CCDC85A: variants seen among roughly 807,000 people sequenced by gnomAD.
CCDC85A encodes coiled-coil domain containing 85A, also known as coiled-coil domain-containing protein 85A.
CCDC85A carries 38 observed loss-of-function variants against 50.2 expected under a neutral mutation model. The observed-to-expected ratio is 0.76, with a 90% CI of 0.58 to 0.99. The LOEUF is 0.99. Ranked by LOEUF, CCDC85A falls within the 50% of genes least tolerant of loss-of-function variation. The pLI, the probability that CCDC85A is intolerant of heterozygous loss-of-function variation, is 0.00. For synonymous variants in CCDC85A, 366 were observed against 301.4 expected (o/e 1.21, Z -2.22); for missense variants, 820 against 742.0 (o/e 1.11, Z -1.22).
chr2:56,188,666 C>T (rs1676156401), intron 1 of CCDC85A, among the ~76,000 whole-genome samples: 1 of 152,242 alleles, frequency 6.6e-6, no homozygotes, highest in South Asian at 2.1e-4. Context: ...TCCACAGCTT[C>T]TGATTTCCTG....
intron 2 of CCDC85A, among the ~76,000 whole-genome samples, chr2:56,306,248 A>G (rs972073357): frequency 5.9e-5 from 9 of 151,510 alleles, no homozygotes; most frequent in Non-Finnish European, 8.8e-5. Flanking sequence ...TCCTGCCTCA[A>G]CCTCCCAAGT....
At chr2:56,333,315 C>T (rs544836461) in intron 2 of CCDC85A, among the ~76,000 whole-genome samples, 1 of 152,154 alleles carries the variant, frequency 6.6e-6, no homozygotes, top group South Asian at 2.1e-4. Context: ...AAACATTTGA[C>T]TGGGGACAGA....
intron 2 of CCDC85A, among the ~76,000 whole-genome samples, chr2:56,305,855 A>T (rs912750936): frequency 2.0e-5 from 3 of 152,200 alleles, no homozygotes; most frequent in African/African-American, 7.2e-5. Context: ...CTGATTTAAT[A>T]ATCAAGTTCT....
At position 56,303,324 on chromosome 2, in the gene CCDC85A, G is replaced by A. The variant is rs115919626; in HGVS notation, c.1241-39555G>A. Among the ~76,000 whole-genome samples the A allele has an allele frequency of 6.6e-3, 1,008 of 152,212 alleles. 6 individuals are homozygous for A. The highest frequency in any genetic ancestry group is 0.023 in the African/African-American group (952 of 41,542). On this transcript the variant is annotated intron_variant, in intron 2 of 5. Transcript: ENST00000407595. Reference sequence around the variant, plus strand: ...AATTTTGTGGTTAAAACTAAAAATAGTCAAAAAGACATAATACTGGACGAT... The same window carrying A: ...AATTTTGTGGTTAAAACTAAAAATAATCAAAAAGACATAATACTGGACGAT...
intron 2 of CCDC85A, among the ~76,000 whole-genome samples, chr2:56,257,807 G>C (rs144700649): frequency 6.9e-4 from 105 of 152,268 alleles, no homozygotes; most frequent in African/African-American, 2.5e-3. Context: ...AACAAGGAGA[G>C]GCCCTCTCTG....
At chr2:56,381,485 G>T (rs11898355) in intron 5 of CCDC85A, among the ~76,000 whole-genome samples, 16,541 of 152,004 alleles carry the variant, frequency 0.11, 1,312 homozygotes, top group African/African-American at 0.23. Flanking sequence ...TTTACCATCA[G>T]ACCTCAGGCA....
At chr2:56,183,957 C>T (rs1675873337), upstream of CCDC85A, 2 of 985,376 alleles carry the variant, frequency 2.0e-6, no homozygotes, top group African/African-American at 1.7e-5. Context: ...CAGCTCCAGG[C>T]TCCTCCTCCA....
At chr2:56,301,576 A>G (rs971771130) in intron 2 of CCDC85A, among the ~76,000 whole-genome samples, 1 of 152,232 alleles carries the variant, frequency 6.6e-6, no homozygotes, top group African/African-American at 2.4e-5. Context: ...AAGAAGGGAA[A>G]GGTCATACTG....
chr2:56,297,367 C>A (rs1397644713), intron 2 of CCDC85A, among the ~76,000 whole-genome samples: 1 of 145,390 alleles, frequency 6.9e-6, no homozygotes, highest in Non-Finnish European at 1.5e-5. Context: ...CTCTTAGGAT[C>A]TTTGGATACT....
intron 2 of CCDC85A, among the ~76,000 whole-genome samples, chr2:56,226,181 T>TAGA (rs1396425191): frequency 3.9e-5 from 6 of 152,226 alleles, no homozygotes; most frequent in Non-Finnish European, 8.8e-5. Context: ...TTAAAATTCC[T>TAGA]AGCCAGCCAT....
intron 2 of CCDC85A, among the ~76,000 whole-genome samples, chr2:56,309,358 A>G (rs929778644): frequency 6.6e-6 from 1 of 152,176 alleles, no homozygotes; most frequent in African/African-American, 2.4e-5. Flanking sequence ...CTTGCAGCAC[A>G]TTAAACGACA....
At chr2:56,354,470 C>T (rs925986669) in intron 3 of CCDC85A, among the ~76,000 whole-genome samples, 5 of 152,138 alleles carry the variant, frequency 3.3e-5, no homozygotes, top group Admixed American at 2.6e-4. Flanking sequence ...CCTGATTTAC[C>T]GGATTCATTC....
chr2:56,234,658 G>C (rs1375811538), intron 2 of CCDC85A, among the ~76,000 whole-genome samples: 1 of 150,412 alleles, frequency 6.6e-6, no homozygotes, highest in Non-Finnish European at 1.5e-5. Context: ...TTCTTCTCTG[G>C]ATTTCATTTC....
In CCDC85A at chr2:56,384,598, A is replaced by G. The variant is rs1304112136; in HGVS notation, c.*243A>G. 9.9e-6 allele frequency: 4 copies of G among 405,672 alleles called. No individual in the cohort carries two copies. Among genetic ancestry groups the G allele is most frequent in the African/African-American group, 2.0e-5 (1 of 50,038 alleles). The allele number at this position is 405,672 out of a possible 1,614,324, so 25.1% of individuals were successfully genotyped here. A position where few individuals can be genotyped will look rare whatever the true frequency, so the allele number is the denominator to read the frequency against. Reference sequence around the variant, plus strand: ...AACAAGGTAGCTTTGAACATCTCAAACAGAGTAGCTTTGAAAATCAACATT... The same window carrying G: ...AACAAGGTAGCTTTGAACATCTCAAGCAGAGTAGCTTTGAAAATCAACATT... On this transcript the variant is annotated 3_prime_UTR_variant, in exon 6 of 6. Transcript: ENST00000407595.
chr2:56,290,195 A>G (rs1343840970), intron 2 of CCDC85A, among the ~76,000 whole-genome samples: 1 of 152,228 alleles, frequency 6.6e-6, no homozygotes, highest in Non-Finnish European at 1.5e-5. Flanking sequence ...GATCAGTCTT[A>G]GATTTAAGCC....
At chr2:56,280,501 G>T (rs1307196112) in intron 2 of CCDC85A, among the ~76,000 whole-genome samples, 1 of 152,010 alleles carries the variant, frequency 6.6e-6, no homozygotes, top group Non-Finnish European at 1.5e-5. Context: ...AGTACATGCC[G>T]AACCAAACTT....
At chr2:56,317,559 G>T (rs745386044) in intron 2 of CCDC85A, among the ~76,000 whole-genome samples, 4 of 152,006 alleles carry the variant, frequency 2.6e-5, no homozygotes, top group Non-Finnish European at 5.9e-5. Context: ...TCCTCATTAA[G>T]AGGAAATTTC....
intron 2 of CCDC85A, among the ~76,000 whole-genome samples, chr2:56,226,792 A>C (rs1452847579): frequency 6.6e-6 from 1 of 152,010 alleles, no homozygotes; most frequent in Non-Finnish European, 1.5e-5. Context: ...CCTTTAAAAT[A>C]TCTCTTACAT....
intron 2 of CCDC85A, among the ~76,000 whole-genome samples, chr2:56,193,665 G>T (rs761816593): frequency 6.6e-6 from 1 of 152,112 alleles, no homozygotes; most frequent in South Asian, 2.1e-4. Flanking sequence ...TGGGGATGAG[G>T]GTTTATGGGA....
Sources: allele counts gnomAD v4.1 joint callset (sites outside exome capture counted in the v4.1 genomes callset), GRCh38; gene constraint gnomAD v4.1.1; transcripts MANE v1.5; gene names NCBI Gene and HGNC (gene_info 2026-07-23, HGNC 2026-07-21).